Variants in CDH12 observed in about 807,000 individuals in gnomAD.
The protein encoded by CDH12 is cadherin-12.
A neutral mutation model predicts 74.1 loss-of-function variants in CDH12; 41 were observed. The observed-to-expected ratio is 0.55, with a 90% CI of 0.43 to 0.72. CDH12 has a LOEUF of 0.72. CDH12 is among the 30% of genes least tolerant of loss of function. The pLI, the probability that CDH12 is intolerant of heterozygous loss-of-function variation, is 0.00. For missense variants in CDH12, 945 were observed against 977.2 expected, an observed-to-expected ratio of 0.97 and a Z score of 0.44; for synonymous variants, 399 against 355.0, an observed-to-expected ratio of 1.12 and a Z score of -1.39.
At chr5:22,481,634 T>C (rs1746389285) in intron 2 of CDH12, among the ~76,000 whole-genome samples, 1 of 152,176 alleles carries the variant, frequency 6.6e-6, no homozygotes, top group African/African-American at 2.4e-5. Flanking sequence ...TCACATGAAG[T>C]ATCTGAAATA....
chr5:22,327,336 A>AT (rs1000767227), intron 3 of CDH12, among the ~76,000 whole-genome samples: 2 of 151,358 alleles, frequency 1.3e-5, no homozygotes, highest in African/African-American at 4.9e-5. Flanking sequence ...TAAAATGGTA[A>AT]TTTTTTTCAT....
intron 4 of CDH12, among the ~76,000 whole-genome samples, chr5:22,119,700 C>T (rs1745392801): frequency 6.6e-6 from 1 of 152,134 alleles, no homozygotes; most frequent in Non-Finnish European, 1.5e-5. Flanking sequence ...GACTACTGAT[C>T]CCTACAAGGT....
intron 3 of CDH12, among the ~76,000 whole-genome samples, chr5:22,235,062 T>C (rs191918033): frequency 6.6e-6 from 1 of 152,240 alleles, no homozygotes; most frequent in Admixed American, 6.5e-5. Context: ...CGTAAAGAAA[T>C]AATATCTTAT....
At chr5:22,590,777 C>G (rs1736269314) in intron 1 of CDH12, among the ~76,000 whole-genome samples, 1 of 152,158 alleles carries the variant, frequency 6.6e-6, no homozygotes, top group Non-Finnish European at 1.5e-5. Flanking sequence ...TATTACACCC[C>G]AGTCAGGGCC....
intron 5 of CDH12, among the ~76,000 whole-genome samples, chr5:22,076,614 T>C (rs1437901008): frequency 6.6e-6 from 1 of 152,120 alleles, no homozygotes; most frequent in Non-Finnish European, 1.5e-5. Flanking sequence ...TTACATTAAA[T>C]TAATTCAAAA....
At chr5:22,753,140 A>T (rs539088009) in intron 1 of CDH12, among the ~76,000 whole-genome samples, 162 of 152,198 alleles carry the variant, frequency 1.1e-3, no homozygotes, top group Non-Finnish European at 2.0e-3. Flanking sequence ...AGCAGAATAC[A>T]CATAAATCAT....
intron 3 of CDH12, among the ~76,000 whole-genome samples, chr5:22,274,199 G>A (rs898556401): frequency 6.6e-6 from 1 of 152,016 alleles, no homozygotes; most frequent in Non-Finnish European, 1.5e-5. Context: ...TAAGCCATAT[G>A]TTTTTTGTCA....
chr5:22,471,366 C>A (rs1298183360), intron 2 of CDH12, among the ~76,000 whole-genome samples: 3 of 152,190 alleles, frequency 2.0e-5, no homozygotes, highest in African/African-American at 7.2e-5. Context: ...TGCATGAGAT[C>A]ATGTAATCTC....
chr5:22,387,742 A>T (rs1372817513), intron 3 of CDH12, among the ~76,000 whole-genome samples: 1 of 152,158 alleles, frequency 6.6e-6, no homozygotes. Flanking sequence ...AGAGTTCTTT[A>T]GATATCTTAA....
intron 1 of CDH12, among the ~76,000 whole-genome samples, chr5:22,748,525 T>C (rs1222451714): frequency 6.6e-6 from 1 of 152,170 alleles, no homozygotes; most frequent in African/African-American, 2.4e-5. Flanking sequence ...TAAAGATGTA[T>C]TTTGTTTTCT....
intron 6 of CDH12, among the ~76,000 whole-genome samples, chr5:21,910,360 C>G (rs1282891626): frequency 6.6e-6 from 1 of 152,124 alleles, no homozygotes; most frequent in Admixed American, 6.6e-5. Flanking sequence ...GATCTCAGAG[C>G]TCTGTTTTCA....
At chr5:22,696,371 A>AG (rs1491364978) in intron 1 of CDH12, among the ~76,000 whole-genome samples, 292 of 14,472 alleles carry the variant, frequency 0.02, no homozygotes, top group Non-Finnish European at 0.026. Flanking sequence ...ACTCCGTCTC[A>AG]AAAAAAAAAA....
chr5:22,077,782 T>C (rs1742433512), intron 5 of CDH12, among the ~76,000 whole-genome samples: 1 of 152,100 alleles, frequency 6.6e-6, no homozygotes, highest in South Asian at 2.1e-4. Context: ...TAAATTTCCA[T>C]AAAGTTGCAA....
Position 21,756,973 on chromosome 5 carries a change from A to C in CDH12, c.1634-1131T>G, listed in dbSNP as rs1406079297. On this transcript the variant is annotated intron_variant, in intron 13 of 14. Transcript: ENST00000382254. Reference sequence around the variant, plus strand: ...ATGGATATTAATTGAATCAACATTTAAATCTTCAGCAATTGATGGTTGAAC... The same window carrying C: ...ATGGATATTAATTGAATCAACATTTCAATCTTCAGCAATTGATGGTTGAAC... 2.6e-5 allele frequency among the ~76,000 whole-genome samples: 4 copies of C among 152,166 alleles called. No homozygotes were observed. The East Asian group carries it at 7.7e-4, about 29-fold the overall frequency.
intron 1 of CDH12, among the ~76,000 whole-genome samples, chr5:22,691,769 A>G (rs557315480): frequency 2.0e-5 from 3 of 152,252 alleles, no homozygotes; most frequent in Non-Finnish European, 4.4e-5. Context: ...TATCCCCCAC[A>G]CTAATTGTCA....
At chr5:22,628,586 C>A (rs1293891875) in intron 1 of CDH12, among the ~76,000 whole-genome samples, 2 of 152,062 alleles carry the variant, frequency 1.3e-5, no homozygotes, top group African/African-American at 2.4e-5. Context: ...ATCTCTGGGA[C>A]ACAGCCAAGG....
chr5:21,876,882 A>G (rs530675030), intron 6 of CDH12, among the ~76,000 whole-genome samples: 24 of 152,280 alleles, frequency 1.6e-4, no homozygotes, highest in South Asian at 6.2e-4. Context: ...CCCTTTATAC[A>G]TGCTGTTGTC....
At chr5:22,578,044 G>A (rs536550520) in intron 1 of CDH12, among the ~76,000 whole-genome samples, 2 of 152,062 alleles carry the variant, frequency 1.3e-5, no homozygotes, top group Non-Finnish European at 2.9e-5. Context: ...AAAATATGTT[G>A]TTTGGCCTGG....
intron 4 of CDH12, among the ~76,000 whole-genome samples, chr5:22,192,364 C>T (rs1750355499): frequency 6.6e-6 from 1 of 152,052 alleles, no homozygotes; most frequent in African/African-American, 2.4e-5. Context: ...AAATTAGGAG[C>T]CATGACAAAC....
Sources: gnomAD v4.1 joint callset for allele counts (sites outside exome capture counted in the v4.1 genomes callset) on GRCh38, gnomAD v4.1.1 for gene constraint, MANE v1.5 for transcripts, NCBI Gene and HGNC (gene_info 2026-07-23, HGNC 2026-07-21) for gene names.